Variants in CNTNAP3 observed in about 807,000 individuals in gnomAD.
The protein encoded by CNTNAP3 is contactin associated protein family member 3, also known as contactin-associated protein-like 3.
CNTNAP3 carries 36 observed loss-of-function variants against 92.1 expected under a neutral mutation model. That is an observed-to-expected ratio of 0.39 (90% CI 0.30 to 0.52). The LOEUF is 0.52. Among genes scored for constraint, CNTNAP3 ranks in the 20% least tolerant of loss-of-function variants. The pLI, the probability that CNTNAP3 is intolerant of heterozygous loss-of-function variation, is 0.76. For missense variants in CNTNAP3, 534 were observed against 1,069.6 expected (o/e 0.50, Z 6.98); for synonymous variants, 232 against 422.3 (o/e 0.55, Z 5.53).
rs371525190 is a variant in CNTNAP3 at position 39,108,311 on chromosome 9, ATGT to A, written c.2365+846_2365+848del. On this transcript the variant is annotated intron_variant, in intron 15 of 23. Transcript: ENST00000297668. ...GGGGAGTGAGTACGCATCGATAGTG[ATGT>A]TGTGTTCTCTTTGAACTACTTAGCT... Among the ~76,000 whole-genome samples the A allele has an allele frequency of 2.4e-3, 362 of 151,682 alleles. 2 individuals are homozygous for A. Among genetic ancestry groups the A allele is most frequent in the African/African-American group, 8.4e-3 (348 of 41,328 alleles).
chr9:39,073,765 T>A lies in CNTNAP3; in HGVS notation c.*125A>T. The stretch of plus-strand genomic sequence containing the variant: ...CTGCACCTGCTTGTGTGCACCCTGA[T>A]GGCAACAGCAGGGAAGTCCACAGTC... On this transcript the variant is annotated 3_prime_UTR_variant, in exon 24 of 24. Transcript: ENST00000297668. The A allele has an allele frequency of 6.3e-7, 1 of 1,592,304 alleles. No individual in the cohort carries two copies.
Position 39,120,786 on chromosome 9 carries a change from A to T in CNTNAP3, c.2081-2527T>A, listed in dbSNP as rs544078466. On this transcript the variant is annotated intron_variant, in intron 13 of 23. Transcript: ENST00000297668. ...GGAGGTTTTTCAAAAAGAAAGGAAA[A>T]TATAACAAAGGATTCTTGGAACATC... 1.4e-4 allele frequency among the ~76,000 whole-genome samples: 21 copies of T among 152,334 alleles called. No individual in the cohort carries two copies. The South Asian group carries it at 3.3e-3, about 24-fold the overall frequency.
At chr9:39,108,624 G>A (rs1209171306) in intron 15 of CNTNAP3, among the ~76,000 whole-genome samples, 1 of 152,192 alleles carries the variant, frequency 6.6e-6, no homozygotes, top group African/African-American at 2.4e-5. Flanking sequence ...CTACGCAGTA[G>A]GTAGATCCTC....
chr9:39,119,874 G>A (rs1820965925), intron 13 of CNTNAP3, among the ~76,000 whole-genome samples: 2 of 152,062 alleles, frequency 1.3e-5, no homozygotes, highest in South Asian at 2.1e-4. Context: ...AAAGACAGAG[G>A]ACAGAATCAC....
In CNTNAP3 at chr9:39,128,303, A is replaced by G. The variant is rs1163966086; in HGVS notation, c.2080+4629T>C. ...AGACAATATGAAAAAAGAAAACTAC[A>G]TATCAATATCTCTTATGAATTTGAA... On this transcript the variant is annotated intron_variant, in intron 13 of 23. Transcript: ENST00000297668. Among the ~76,000 whole-genome samples the G allele has an allele frequency of 3.3e-5, 5 of 152,176 alleles. No individual in the cohort carries two copies. In the East Asian group the frequency reaches 9.6e-4, roughly 29 times the overall value.
At chr9:39,084,447 G>C (rs1480888289) in intron 21 of CNTNAP3, among the ~76,000 whole-genome samples, 3 of 152,062 alleles carry the variant, frequency 2.0e-5, no homozygotes, top group African/African-American at 7.2e-5. Flanking sequence ...GCCTGCCTCA[G>C]CCTCCCAAAG....
intron 15 of CNTNAP3, among the ~76,000 whole-genome samples, chr9:39,106,265 A>G (rs1032571754): frequency 6.6e-6 from 1 of 152,010 alleles, no homozygotes; most frequent in Non-Finnish European, 1.5e-5. Flanking sequence ...AGAATATTTT[A>G]TTTTTCTTTC....
intron 18 of CNTNAP3, among the ~76,000 whole-genome samples, chr9:39,095,858 G>A (rs1826312976): frequency 6.7e-6 from 1 of 149,098 alleles, no homozygotes; most frequent in Non-Finnish European, 1.5e-5. Flanking sequence ...TTCTGTTTTG[G>A]AACTATTTTT....
At chr9:39,123,163 C>T (rs1376078784) in intron 13 of CNTNAP3, among the ~76,000 whole-genome samples, 2 of 146,864 alleles carry the variant, frequency 1.4e-5, no homozygotes, top group East Asian at 2.0e-4. Context: ...GGTGCAATCT[C>T]GGCTCACTGC....
rs1345361357 is a variant in CNTNAP3 at position 39,137,757 on chromosome 9, A to G, written c.1876+2762T>C. 7.2e-5 allele frequency among the ~76,000 whole-genome samples: 11 copies of G among 151,908 alleles called. No individual in the cohort carries two copies. In the South Asian group the frequency reaches 2.3e-3, roughly 32 times the overall value. On this transcript the variant is annotated intron_variant, in intron 12 of 23. Transcript: ENST00000297668. ...TCTCGATCTCCTGACCTCGTGATCC[A>G]CCTGCCTCAGCCTCCCACAGTGCTG...
rs571732757 is a variant in CNTNAP3, at chr9:39,126,359, C to T, written c.2080+6573G>A. 1.5e-4 allele frequency among the ~76,000 whole-genome samples: 23 copies of T among 152,312 alleles called. 1 individual carries two copies. Among genetic ancestry groups the T allele is most frequent in the Non-Finnish European group, 2.5e-4 (17 of 68,014 alleles). ...AGCCCAGATGATTCACTGGTGAGTT[C>T]TATCAACACTGGAGAAATAAATGAT... On this transcript the variant is annotated intron_variant, in intron 13 of 23. Coordinates refer to ENST00000297668, the MANE Select transcript of CNTNAP3 (RefSeq NM_033655.5).
chr9:39,174,391 T>C (rs1822293323), intron 7 of CNTNAP3: 4 of 635,206 alleles, frequency 6.3e-6, no homozygotes, highest in African/African-American at 5.7e-5. Context: ...TTTTTTTTTT[T>C]CTCCTTTACC....
At position 39,066,881 on chromosome 9, in the gene CNTNAP3, G is replaced by A. The variant is rs1399968769; in HGVS notation, c.*7009C>T. ...TTGGGGATGTTGAGCTGGGTCTGTGGGTTTATAGTTTGCATCAAATGTGGA... is the reference window on the plus strand; with the variant it reads ...TTGGGGATGTTGAGCTGGGTCTGTGAGTTTATAGTTTGCATCAAATGTGGA... On this transcript the variant is annotated 3_prime_UTR_variant, in exon 24 of 24. Transcript: ENST00000297668. 7.9e-5 allele frequency among the ~76,000 whole-genome samples: 12 copies of A among 152,276 alleles called. No homozygotes were observed. The highest frequency in any genetic ancestry group is 2.6e-4 in the African/African-American group (11 of 41,562).
intron 14 of CNTNAP3, among the ~76,000 whole-genome samples, chr9:39,112,046 T>TCTCC (rs1554648262): frequency 2.5e-5 from 2 of 81,466 alleles, no homozygotes; most frequent in African/African-American, 2.6e-4. Context: ...ATTTTTCTTT[T>TCTCC]CTATTATTTT....
intron 23 of CNTNAP3, among the ~76,000 whole-genome samples, 187 bp from the exon 24 acceptor site, chr9:39,074,198 C>T (rs1475576252): frequency 6.6e-6 from 1 of 150,966 alleles, no homozygotes; most frequent in Non-Finnish European, 1.5e-5. Context: ...TTTCTTTTTA[C>T]AATTATTCTT....
chr9:39,143,582 T>C (rs2118106110), intron 11 of CNTNAP3, among the ~76,000 whole-genome samples: 1 of 152,306 alleles, frequency 6.6e-6, no homozygotes, highest in Admixed American at 6.5e-5. Flanking sequence ...TTCTTTAGGG[T>C]TAAATGAGTT....
chr9:39,099,857 T>C lies in CNTNAP3; in HGVS notation c.2995+54A>G, dbSNP rs891145993. On this transcript the variant is annotated intron_variant, in intron 18 of 23. Transcript: ENST00000297668. ...TATCAAATGCCAGAAGCATTCTTCA[T>C]GTTATTTAAGTTTCATGTACTTTCC... is the stretch of plus-strand genomic sequence containing the variant. The C allele has an allele frequency of 3.8e-6, 6 of 1,585,494 alleles. 1 individual carries two copies. The highest frequency in any genetic ancestry group is 2.3e-4 in the Middle Eastern group (1 of 4,394).
At position 39,122,653 on chromosome 9, in the gene CNTNAP3, TC is replaced by T. The variant is rs754601936; in HGVS notation, c.2081-4395del. Among the ~76,000 whole-genome samples the T allele has an allele frequency of 2.8e-4, 43 of 152,298 alleles. No individual in the cohort carries two copies. The Middle Eastern group carries it at 0.01, about 36-fold the overall frequency. The stretch of plus-strand genomic sequence containing the variant: ...AACATAAAACCTTACATTAAAGGCT[TC>T]CTTACCTCAGTTCCTTTGCCAATAC... On this transcript the variant is annotated intron_variant, in intron 13 of 23. Coordinates refer to ENST00000297668, the MANE Select transcript of CNTNAP3 (RefSeq NM_033655.5).
At chr9:39,153,851 G>C (rs1404843522) in intron 9 of CNTNAP3, among the ~76,000 whole-genome samples, 1 of 144,316 alleles carries the variant, frequency 6.9e-6, no homozygotes, top group Non-Finnish European at 1.5e-5. Flanking sequence ...GAGCCACCGC[G>C]TCTGGCCTAA....
Sources: allele counts gnomAD v4.1 joint callset (sites outside exome capture counted in the v4.1 genomes callset), GRCh38; gene constraint gnomAD v4.1.1; transcripts MANE v1.5; gene names NCBI Gene and HGNC (gene_info 2026-07-23, HGNC 2026-07-21).